The following KIAA1958 variants were observed in gnomAD, a reference collection of about 807,000 sequenced individuals.
KIAA1958 encodes the protein KIAA1958.
KIAA1958 carries 14 observed loss-of-function variants against 47.2 expected under a neutral mutation model. That is an observed-to-expected ratio of 0.30 (90% CI 0.20 to 0.46). The LOEUF is 0.46. KIAA1958 is among the 20% of genes least tolerant of loss of function. The pLI is 1.00. For synonymous variants in KIAA1958, 354 were observed against 353.3 expected (o/e 1.00, Z -0.02); for missense variants, 803 against 909.2 (o/e 0.88, Z 1.50).
At chr9:112,606,662 T>C (rs1836241626) in intron 2 of KIAA1958, among the ~76,000 whole-genome samples, 1 of 152,224 alleles carries the variant, frequency 6.6e-6, no homozygotes, top group Non-Finnish European at 1.5e-5. Flanking sequence ...TATTTAGAGT[T>C]CAAGTTATAT....
In KIAA1958 at chr9:112,490,927, CATT is replaced by C. The variant is rs1463043889; in HGVS notation, c.-25+3812_-25+3814del. Among the ~76,000 whole-genome samples, 4 of 152,146 alleles carry C rather than the reference CATT, an allele frequency of 2.6e-5. No individual in the cohort carries two copies. The East Asian group carries it at 7.7e-4, about 29-fold the overall frequency. On this transcript the variant is annotated intron_variant, in intron 1 of 3. Coordinates refer to ENST00000337530, the MANE Select transcript of KIAA1958 (RefSeq NM_133465.4). Reference sequence around the variant, plus strand: ...ATATTCTTATACTGAAAGGAAGTAACATTATGTATCAAAAGAAATTATACAACT... The same window carrying C: ...ATATTCTTATACTGAAAGGAAGTAACATGTATCAAAAGAAATTATACAACT...
At position 112,544,341 on chromosome 9, in the gene KIAA1958, C is replaced by G. The variant is rs1834994111; in HGVS notation, c.-24-29716C>G. ...ACTCAGAGTTCTAATTGCTTTCGCA[C>G]TATAACTCATGCCATGCTATTTTGT... is the stretch of plus-strand genomic sequence containing the variant. On this transcript the variant is annotated intron_variant, in intron 1 of 3. Coordinates refer to ENST00000337530, the MANE Select transcript of KIAA1958 (RefSeq NM_133465.4). Among the ~76,000 whole-genome samples the G allele has an allele frequency of 2.0e-5, 3 of 152,202 alleles. No homozygotes were observed. The South Asian group carries it at 6.2e-4, about 31-fold the overall frequency.
At chr9:112,553,322 G>A (rs1835189535) in intron 1 of KIAA1958, among the ~76,000 whole-genome samples, 1 of 151,858 alleles carries the variant, frequency 6.6e-6, no homozygotes, top group Admixed American at 6.6e-5. Context: ...CAAGTAGCTG[G>A]GACTACAGCT....
chr9:112,521,430 T>A (rs1834541630), intron 1 of KIAA1958, among the ~76,000 whole-genome samples: 3 of 152,130 alleles, frequency 2.0e-5, no homozygotes, highest in Admixed American at 1.3e-4. Flanking sequence ...CCCAGTTTGG[T>A]CTCAAACTCC....
intron 2 of KIAA1958, among the ~76,000 whole-genome samples, chr9:112,575,655 C>G (rs1835632441): frequency 6.6e-6 from 1 of 152,052 alleles, no homozygotes; most frequent in African/African-American, 2.4e-5. Context: ...GACAATAGAC[C>G]TAATGCTTTT....
chr9:112,610,276 A>G (rs1048062806), intron 2 of KIAA1958, among the ~76,000 whole-genome samples: 4 of 151,938 alleles, frequency 2.6e-5, no homozygotes, highest in African/African-American at 9.7e-5. Flanking sequence ...AATATAAATA[A>G]GTAGGAAAAG....
At chr9:112,506,506 A>G (rs1426630174) in intron 1 of KIAA1958, among the ~76,000 whole-genome samples, 3 of 152,158 alleles carry the variant, frequency 2.0e-5, no homozygotes, top group African/African-American at 7.2e-5. Flanking sequence ...TCTTCATGGT[A>G]ATTAAGGATA....
intron 2 of KIAA1958, among the ~76,000 whole-genome samples, chr9:112,614,623 C>T (rs1260361483): frequency 6.6e-6 from 1 of 152,124 alleles, no homozygotes; most frequent in East Asian, 1.9e-4. Flanking sequence ...GGTGTCTTTA[C>T]CCTTTCAACC....
At chr9:112,644,833 A>T (rs919627362) in intron 2 of KIAA1958, among the ~76,000 whole-genome samples, 4 of 149,446 alleles carry the variant, frequency 2.7e-5, no homozygotes, top group Non-Finnish European at 5.9e-5. Flanking sequence ...ACAAAACTTT[A>T]AAAAAAAAAT....
intron 2 of KIAA1958, among the ~76,000 whole-genome samples, chr9:112,625,917 G>C (rs1419695620): frequency 2.6e-5 from 4 of 152,190 alleles, no homozygotes; most frequent in Admixed American, 2.6e-4. Flanking sequence ...ATCAATTCTA[G>C]TTATAGATTA....
chr9:112,574,795 C>G lies in KIAA1958; in HGVS notation c.715C>G (p.Gln239Glu), dbSNP rs1420035821. Residue 239 changes from glutamine (Q) to glutamate (E), a missense_variant, in exon 2 of 4, where the codon CAG becomes GAG. Gln to Glu is a conservative substitution (Grantham distance 29). Transcript: ENST00000337530. ...GACACAGATGGCAAAACCCAAGCCT[C>G]AGACTCACGCTGGTCCCTCCTGTGT... ...SLTQMAKPKP[Q>E]THAGPSCVGS... 3 of 1,614,050 alleles carry G rather than the reference C, an allele frequency of 1.9e-6. No homozygotes were observed. The highest frequency in any genetic ancestry group is 1.3e-5 in the African/African-American group (1 of 74,944).
intron 2 of KIAA1958, among the ~76,000 whole-genome samples, chr9:112,596,015 C>T (rs1049649275): frequency 6.6e-6 from 1 of 152,030 alleles, no homozygotes; most frequent in East Asian, 1.9e-4. Context: ...GAACTCTTGA[C>T]CTCAGGTGAT....
chr9:112,659,645 C>T lies in KIAA1958; in HGVS notation c.1727C>T (p.Ala576Val), dbSNP rs1837227393. 6.2e-7 allele frequency: 1 copy of T among 1,614,126 alleles called. No individual in the cohort carries two copies. The highest frequency in any genetic ancestry group is 8.5e-7 in the Non-Finnish European group (1 of 1,180,028). Residue 576 changes from alanine to valine, a missense_variant, in exon 4 of 4, where the codon GCG becomes GTG. Ala to Val is a moderately conservative substitution (Grantham distance 64). Transcript: ENST00000337530. ...YLNMRTLQEH[A>V]DLMYGDIELL... ...AACATGCGGACGCTGCAGGAGCATG[C>T]GGATCTGATGTATGGTGACATCGAG... is the stretch of plus-strand genomic sequence containing the variant.
intron 1 of KIAA1958, among the ~76,000 whole-genome samples, chr9:112,500,742 G>T (rs769279324): frequency 1.3e-5 from 2 of 152,084 alleles, no homozygotes; most frequent in African/African-American, 4.8e-5. Context: ...GAATATAAAA[G>T]AATGTAGTTC....
At chr9:112,657,697 G>A (rs1036739651) in intron 3 of KIAA1958, among the ~76,000 whole-genome samples, 5 of 152,090 alleles carry the variant, frequency 3.3e-5, no homozygotes, top group African/African-American at 1.2e-4. Context: ...CCTAGAATAT[G>A]TATTCAGCTT....
intron 1 of KIAA1958, among the ~76,000 whole-genome samples, chr9:112,515,692 T>G (rs1834417480): frequency 1.4e-5 from 1 of 72,228 alleles, no homozygotes; most frequent in African/African-American, 5.6e-5. Flanking sequence ...GGCAGCATGC[T>G]CGTTAAGAGT....
chr9:112,598,553 C>G (rs1449598273), intron 2 of KIAA1958, among the ~76,000 whole-genome samples: 1 of 152,054 alleles, frequency 6.6e-6, no homozygotes, highest in African/African-American at 2.4e-5. Flanking sequence ...CTGTGTCACC[C>G]ATGGAAAATA....
At chr9:112,622,516 T>C (rs183576985) in intron 2 of KIAA1958, among the ~76,000 whole-genome samples, 42 of 152,334 alleles carry the variant, frequency 2.8e-4, no homozygotes, top group African/African-American at 1.0e-3. Context: ...AGTTAAGAGA[T>C]AGGATATTTA....
At chr9:112,572,919 A>T (rs1045617830) in intron 1 of KIAA1958, among the ~76,000 whole-genome samples, 1 of 152,162 alleles carries the variant, frequency 6.6e-6, no homozygotes, top group African/African-American at 2.4e-5. Flanking sequence ...TAACCACCTG[A>T]CATTGTGGTT....
Sources: allele counts gnomAD v4.1 joint callset (sites outside exome capture counted in the v4.1 genomes callset), GRCh38; gene constraint gnomAD v4.1.1; transcripts MANE v1.5; gene names NCBI Gene and HGNC (gene_info 2026-07-23, HGNC 2026-07-21).